ADGB: variants seen among roughly 807,000 people sequenced by gnomAD.
ADGB encodes calpain-7-like protein.
Under a neutral mutation model 210.5 loss-of-function variants are expected in ADGB, and 172 were observed. The observed-to-expected ratio is 0.82, with a 90% CI of 0.72 to 0.93. The LOEUF (loss-of-function observed/expected upper bound fraction) is 0.93, where lower values mean the gene tolerates loss of function less well. ADGB is among the 40% of genes least tolerant of loss of function. The pLI is 0.00. For synonymous variants in ADGB, 658 were observed against 662.7 expected (o/e 0.99, Z 0.11); for missense variants, 2,025 against 1,964.8 (o/e 1.03, Z -0.58).
chr6:146,781,662 C>T (rs1220852171), intron 29 of ADGB, among the ~76,000 whole-genome samples: 1 of 151,898 alleles, frequency 6.6e-6, no homozygotes, highest in East Asian at 1.9e-4. Flanking sequence ...AAGATTACAG[C>T]AGAGGTAAAT....
At chr6:146,758,778 A>G (rs1216904887) in intron 27 of ADGB, among the ~76,000 whole-genome samples, 1 of 152,008 alleles carries the variant, frequency 6.6e-6, no homozygotes, top group Admixed American at 6.6e-5. Flanking sequence ...TATAGATACT[A>G]TAATTTAAGG....
chr6:146,621,024 A>G (rs1780883879), intron 1 of ADGB, among the ~76,000 whole-genome samples: 1 of 152,168 alleles, frequency 6.6e-6, no homozygotes. Context: ...CACCAGGACT[A>G]AAACACTGCA....
intron 2 of ADGB, among the ~76,000 whole-genome samples, chr6:146,636,689 C>A (rs1486259357): frequency 6.6e-6 from 1 of 151,720 alleles, no homozygotes; most frequent in Non-Finnish European, 1.5e-5. Context: ...CACTTCCAGT[C>A]TGTCACAATC....
At chr6:146,814,600 T>C (rs778796739) in intron 35 of ADGB, among the ~76,000 whole-genome samples, 6 of 152,180 alleles carry the variant, frequency 3.9e-5, no homozygotes, top group Non-Finnish European at 8.8e-5. Flanking sequence ...AACCAACAGA[T>C]TTGGCCATAC....
chr6:146,805,397 C>G (rs540332621), intron 35 of ADGB, among the ~76,000 whole-genome samples: 75 of 152,240 alleles, frequency 4.9e-4, no homozygotes, highest in African/African-American at 1.7e-3. Flanking sequence ...CCCCAGCAAG[C>G]TAATAAAGAG....
intron 9 of ADGB, among the ~76,000 whole-genome samples, chr6:146,684,113 C>A (rs1013316510): frequency 6.6e-6 from 1 of 152,002 alleles, no homozygotes; most frequent in African/African-American, 2.4e-5. Context: ...CCCAATCTTG[C>A]TCAGTAGCCA....
chr6:146,731,268 C>T (rs992221840), intron 20 of ADGB, among the ~76,000 whole-genome samples: 3 of 152,022 alleles, frequency 2.0e-5, no homozygotes, highest in African/African-American at 2.4e-5. Flanking sequence ...AGTGCCCCCA[C>T]CCTTAAGTAA....
At chr6:146,700,728 A>G (rs1016687330) in intron 12 of ADGB, among the ~76,000 whole-genome samples, 3 of 152,146 alleles carry the variant, frequency 2.0e-5, no homozygotes, top group African/African-American at 7.2e-5. Flanking sequence ...TTTTTACATC[A>G]ATTTGTTGAC....
intron 33 of ADGB, among the ~76,000 whole-genome samples, chr6:146,789,990 C>T (rs975162294): frequency 6.6e-6 from 1 of 152,104 alleles, no homozygotes; most frequent in African/African-American, 2.4e-5. Flanking sequence ...AACAATGCAA[C>T]TTAAATTCTG....
At chr6:146,706,324 A>G (rs1583598696) in intron 13 of ADGB, among the ~76,000 whole-genome samples, 1 of 151,376 alleles carries the variant, frequency 6.6e-6, no homozygotes, top group East Asian at 1.9e-4. Flanking sequence ...CAGTGGCACA[A>G]TCTCGGGTCA....
chr6:146,650,956 A>G (rs1461528183), intron 3 of ADGB, among the ~76,000 whole-genome samples: 1 of 152,232 alleles, frequency 6.6e-6, no homozygotes, highest in African/African-American at 2.4e-5. Flanking sequence ...CACAGATGAC[A>G]TACACTAAGT....
chr6:146,809,856 T>G (rs529151929), intron 35 of ADGB, among the ~76,000 whole-genome samples: 4 of 152,318 alleles, frequency 2.6e-5, no homozygotes, highest in African/African-American at 9.6e-5. Context: ...ATAAAATGCT[T>G]AGAAGATTGC....
In ADGB at chr6:146,764,096, T is replaced by C. The variant is rs1298730693; in HGVS notation, c.3746T>C (p.Leu1249Pro). 1.3e-6 allele frequency: 2 copies of C among 1,532,844 alleles called. No individual in the cohort carries two copies. The highest frequency in any genetic ancestry group is 1.2e-5 in the South Asian group (1 of 82,148). 95.0% of individuals were successfully genotyped at this position (1,532,844 alleles called of 1,614,324 possible). ...AGAGAAGACAGTTCCAGCACACCACTGCAGGTATATTAAAAACAATTGTTC... is the reference window on the plus strand; with the variant it reads ...AGAGAAGACAGTTCCAGCACACCACCGCAGGTATATTAAAAACAATTGTTC... ...PTREDSSSTP[L>P]QNYKYIIQCS... is the part of the protein sequence containing the mutation. The change falls in exon 28 of 36, where the codon CTG becomes CCG. Residue 1249 changes from leucine (L) to proline (P), a missense_variant. Coordinates refer to ENST00000397944, the MANE Select transcript of ADGB (RefSeq NM_024694.4).
intron 14 of ADGB, 62 bp downstream of exon 14, chr6:146,715,477 T>C: frequency 8.3e-7 from 1 of 1,209,218 alleles, no homozygotes. Context: ...GGGGCATCTC[T>C]GCTTCTTGAC....
chr6:146,624,530 A>G (rs1055864046), intron 1 of ADGB, among the ~76,000 whole-genome samples: 3 of 151,908 alleles, frequency 2.0e-5, no homozygotes, highest in Non-Finnish European at 2.9e-5. Flanking sequence ...TATTATTTAT[A>G]TACTCAAATA....
chr6:146,760,287 C>G (rs1446899550), intron 27 of ADGB, among the ~76,000 whole-genome samples: 1 of 151,836 alleles, frequency 6.6e-6, no homozygotes, highest in African/African-American at 2.4e-5. Flanking sequence ...GAGGCAATCA[C>G]TGTTCACATT....
intron 1 of ADGB, among the ~76,000 whole-genome samples, chr6:146,602,638 C>T (rs1449718617): frequency 3.9e-5 from 6 of 152,198 alleles, no homozygotes; most frequent in African/African-American, 7.2e-5. Context: ...TGGTCAGGTT[C>T]GGGGAAGGCT....
At chr6:146,716,054 CAAA>C (rs61093466) in intron 14 of ADGB, among the ~76,000 whole-genome samples, 8 of 96,926 alleles carry the variant, frequency 8.3e-5, no homozygotes, top group African/African-American at 1.8e-4. Flanking sequence ...GACTCCGTCT[CAAA>C]AAAAAAAAAA....
chr6:146,746,168 T>TA, intron 26 of ADGB, 59 bp downstream of exon 26: 6 of 1,230,126 alleles, frequency 4.9e-6, no homozygotes, highest in Non-Finnish European at 6.7e-6. Flanking sequence ...TATTTTAGGA[T>TA]AAAAATAAAT....
Sources: allele counts gnomAD v4.1 joint callset (sites outside exome capture counted in the v4.1 genomes callset), GRCh38; gene constraint gnomAD v4.1.1; transcripts MANE v1.5; gene names NCBI Gene and HGNC (gene_info 2026-07-23, HGNC 2026-07-21).